The following PC variants were observed in gnomAD, a reference collection of about 807,000 sequenced individuals.
PC encodes the protein pyruvate carboxylase, mitochondrial.
In PC, 46 loss-of-function variants were observed where a neutral mutation model predicts 107.8. That is an observed-to-expected ratio of 0.43 (90% CI 0.34 to 0.55). The LOEUF (loss-of-function observed/expected upper bound fraction) is 0.55, where lower values mean the gene tolerates loss of function less well. PC is among the 20% of genes least tolerant of loss of function. The pLI is 0.04. For missense variants in PC, 1,241 were observed against 1,643.1 expected (o/e 0.76, Z 4.23); for synonymous variants, 662 against 684.7 (o/e 0.97, Z 0.52).
At chr11:66,905,212 G>T (rs1055864573) in intron 3 of PC, among the ~76,000 whole-genome samples, 2 of 152,234 alleles carry the variant, frequency 1.3e-5, no homozygotes, top group African/African-American at 4.8e-5. Flanking sequence ...GTGTGCAAAG[G>T]CACTGCTGTT....
rs200676705 is a variant in PC, at chr11:66,853,382, G to C, written c.1370C>G (p.Thr457Ser). The C allele has an allele frequency of 1.1e-4, 185 of 1,613,494 alleles. No individual in the cohort carries two copies. The highest frequency in any genetic ancestry group is 1.5e-4 in the Non-Finnish European group (173 of 1,179,660). ...CACATTCTGCAGGAAGGCGATGTTG[G>C]TCTGCAGGACAGAGGCGGGTGGGAG... is the stretch of plus-strand genomic sequence containing the variant. ...LAEFRVRGVK[T>S]NIAFLQNVLN... is the part of the protein sequence containing the mutation. The change falls in exon 13 of 23, where the codon ACC becomes AGC. Residue 457 changes from threonine to serine, a missense_variant and splice_region_variant. Physicochemically the swap from Thr to Ser is moderately conservative, Grantham distance 58. This residue lies in a region of PC where 1,143 missense variants were observed against 1,551.9 expected (regional missense o/e 0.74). Coordinates refer to ENST00000393960, the MANE Select transcript of PC (RefSeq NM_001040716.2).
chr11:66,930,888 G>A (rs566750768), intron 3 of PC, among the ~76,000 whole-genome samples: 21 of 152,134 alleles, frequency 1.4e-4, no homozygotes, highest in Admixed American at 1.1e-3. Context: ...AAAGCTCTAC[G>A]GCAGTGAACA....
In PC at chr11:66,858,989, C is replaced by T. The variant is rs772966034; in HGVS notation, c.1368+4785G>A. On this transcript the variant is annotated intron_variant, in intron 12 of 22. Transcript: ENST00000393960. This position sits in a 1 kb window ranked among gnomAD's most constrained non-coding sequence, Gnocchi z 5.9. ...CAGCCGTGCAGGTGACGGAGGTGAC[C>T]GCCACCTCAGGGCTGGTGAGCTGGG... is the stretch of plus-strand genomic sequence containing the variant. 29 of 1,559,164 alleles carry T rather than the reference C, an allele frequency of 1.9e-5. No homozygotes were observed. Among genetic ancestry groups the T allele is most frequent in the African/African-American group, 6.8e-5 (5 of 73,438 alleles).
At chr11:66,865,664 C>A (rs542599518) in intron 11 of PC, among the ~76,000 whole-genome samples, 3 of 152,182 alleles carry the variant, frequency 2.0e-5, no homozygotes, top group African/African-American at 7.2e-5. Context: ...TGCCATCTCG[C>A]GGCCCCGAAT....
intron 3 of PC, among the ~76,000 whole-genome samples, chr11:66,928,689 C>A (rs1948778012): frequency 6.6e-6 from 1 of 151,980 alleles, no homozygotes; most frequent in African/African-American, 2.4e-5. Flanking sequence ...CCTTGCCTGG[C>A]TAATTTTGTA....
intron 12 of PC, chr11:66,859,689 GCTGA>G (rs769555912): frequency 2.3e-5 from 37 of 1,612,680 alleles, no homozygotes; most frequent in Middle Eastern, 1.6e-4. Context: ...CGTCCCCGGC[GCTGA>G]CTATGACCTC....
intron 3 of PC, among the ~76,000 whole-genome samples, chr11:66,886,982 A>G (rs569150833): frequency 5.9e-5 from 9 of 152,292 alleles, no homozygotes; most frequent in African/African-American, 2.2e-4. Flanking sequence ...CCCAAGATAC[A>G]AGGCTCCAGC....
intron 3 of PC, among the ~76,000 whole-genome samples, chr11:66,902,119 G>A (rs1051856900): frequency 2.0e-5 from 3 of 152,212 alleles, no homozygotes; most frequent in Non-Finnish European, 2.9e-5. Context: ...GAAGAGGAAA[G>A]TAAACAGCAA....
chr11:66,860,698 C>G, intron 12 of PC: 1 of 700,906 alleles, frequency 1.4e-6, no homozygotes. Context: ...GGGCAGGCGG[C>G]CTACCCTCGC....
intron 3 of PC, among the ~76,000 whole-genome samples, chr11:66,924,369 C>CAA (rs71045970): frequency 3.0e-5 from 2 of 65,590 alleles, no homozygotes; most frequent in Non-Finnish European, 5.7e-5. Context: ...CCATCTCTAC[C>CAA]AAAAAAAAAA....
intron 3 of PC, among the ~76,000 whole-genome samples, chr11:66,949,523 C>T (rs928083183): frequency 6.6e-6 from 1 of 151,744 alleles, no homozygotes; most frequent in Non-Finnish European, 1.5e-5. Context: ...GAAGAAACCC[C>T]GCCTCTACTA....
rs1031648016 is a variant in PC at position 66,852,295 on chromosome 11, A to G, written c.1825+144T>C. ...GTGCCGGCACCAGGCCTGGCCGGAGAGGGCGCTGTGCCTTCTTCGGTCCTT... is the reference window on the plus strand; with the variant it reads ...GTGCCGGCACCAGGCCTGGCCGGAGGGGGCGCTGTGCCTTCTTCGGTCCTT... On this transcript the variant is annotated intron_variant, in intron 15 of 22. Transcript: ENST00000393960. The surrounding 1 kb of genome is among the most constrained non-coding windows in gnomAD (Gnocchi z 4.7). 9 of 769,196 alleles carry G rather than the reference A, an allele frequency of 1.2e-5. No individual in the cohort carries two copies. The highest frequency in any genetic ancestry group is 1.8e-5 in the Non-Finnish European group (8 of 455,442). The allele number at this position is 769,196 out of a possible 1,614,324, so 47.6% of individuals were successfully genotyped here. A position where few individuals can be genotyped will look rare whatever the true frequency, so the allele number is the denominator to read the frequency against.
rs1275384425 is a variant in PC, at chr11:66,851,797, C to T, written c.1975G>A (p.Val659Ile). ...ACCCCACCCCAGGCTCACTTGAAGA[C>T]CACGTTGTCTGGGTAGTTGGTGTAG... ...VGYTNYPDNV[V>I]FKFCEVAKEN... Residue 659 changes from valine (V) to isoleucine (I), a missense_variant, in exon 16 of 23, where the codon GTC (valine) becomes ATC (isoleucine). By Grantham distance (29) the Val-to-Ile change is conservative. This residue lies in a region of PC where 1,143 missense variants were observed against 1,551.9 expected (regional missense o/e 0.74). Transcript: ENST00000393960. The T allele has an allele frequency of 1.2e-6, 2 of 1,614,082 alleles. No homozygotes were observed. The highest frequency in any genetic ancestry group is 1.1e-5 in the South Asian group (1 of 91,094).
rs779355042 is a variant in PC, at chr11:66,872,068, C to A, written c.92G>T (p.Arg31Leu). The A allele has an allele frequency of 1.3e-6, 2 of 1,564,862 alleles. No individual in the cohort carries two copies. Among genetic ancestry groups the A allele is most frequent in the Admixed American group, 1.9e-5 (1 of 52,600 alleles). The part of the protein sequence containing the change: ...TAPAASPNVR[R>L]LEYKPIKKVM... ...TTTCTTGATGGGCTTATACTCCAGG[C>A]GCCGGACATTTGGGGAGGCAGCGGG... Residue 31 changes from arginine (R) to leucine (L), a missense_variant, in exon 4 of 23, where the codon CGC becomes CTC. Coordinates refer to ENST00000393960, the MANE Select transcript of PC (RefSeq NM_001040716.2).
chr11:66,917,800 T>A (rs1160384689), intron 3 of PC, among the ~76,000 whole-genome samples: 1 of 152,214 alleles, frequency 6.6e-6, no homozygotes, highest in African/African-American at 2.4e-5. Context: ...TTGGGTTACC[T>A]GGGGCAAGAG....
At chr11:66,860,685 CT>C in intron 12 of PC, 1 of 701,276 alleles carries the variant, frequency 1.4e-6, no homozygotes, top group Non-Finnish European at 2.6e-6. Context: ...AGAGCATGGG[CT>C]TGGGCAGGCG....
At chr11:66,880,399 C>T (rs145284856) in intron 3 of PC, among the ~76,000 whole-genome samples, 1,773 of 152,248 alleles carry the variant, frequency 0.012, 24 homozygotes, top group Middle Eastern at 0.034. Context: ...TCCCCAAAGC[C>T]GAAGGGAGCA....
rs1330554414 is a variant in PC, at chr11:66,851,170, C to T, written c.2093G>A (p.Gly698Asp). 2 of 1,612,080 alleles carry T rather than the reference C, an allele frequency of 1.2e-6. No individual in the cohort carries two copies. ...LGMEAAGSAG[G>D]VVEAAISYTG... is the part of the protein sequence containing the mutation. ...GTATGAGATGGCAGCCTCCACCACGCCTCCGGCACTTCCTGCCGCCTCCAT... is the reference window on the plus strand; with the variant it reads ...GTATGAGATGGCAGCCTCCACCACGTCTCCGGCACTTCCTGCCGCCTCCAT... The change falls in exon 17 of 23, where the codon GGC (glycine) becomes GAC (aspartate). Residue 698 changes from glycine to aspartate, a missense_variant. Physicochemically the swap from Gly to Asp is moderately conservative, Grantham distance 94. Around this residue, in one of 2 missense-constraint regions of PC, gnomAD observed 1,143 missense variants for 1,551.9 expected, o/e 0.74. Coordinates refer to ENST00000393960, the MANE Select transcript of PC (RefSeq NM_001040716.2).
chr11:66,923,349 C>T (rs982103882), intron 3 of PC, among the ~76,000 whole-genome samples: 7 of 138,344 alleles, frequency 5.1e-5, no homozygotes, highest in Admixed American at 1.5e-4. Flanking sequence ...GAGACAGAGT[C>T]TAGCCTGGGA....
Sources: allele counts gnomAD v4.1 joint callset (sites outside exome capture counted in the v4.1 genomes callset), GRCh38; gene constraint gnomAD v4.1.1; regional missense constraint gnomAD v4.1.1; non-coding constraint Gnocchi (gnomAD v3.1); transcripts MANE v1.5; gene names NCBI Gene and HGNC (gene_info 2026-07-23, HGNC 2026-07-21).